Variants in TLN2 observed in about 807,000 individuals in gnomAD.
The protein encoded by TLN2 is talin-2.
Under a neutral mutation model 294.7 loss-of-function variants are expected in TLN2, and 118 were observed. That is an observed-to-expected ratio of 0.40 (90% CI 0.34 to 0.47). The LOEUF (loss-of-function observed/expected upper bound fraction) is 0.47, where lower values mean the gene tolerates loss of function less well. Among genes scored for constraint, TLN2 ranks in the 20% least tolerant of loss-of-function variants. TLN2 has a pLI of 0.84. For missense variants in TLN2, 3,083 were observed against 3,282.2 expected (o/e 0.94, Z 1.48); for synonymous variants, 1,431 against 1,304.5 (o/e 1.10, Z -2.09).
chr15:62,711,634 C>T (rs1393711988), intron 21 of TLN2, among the ~76,000 whole-genome samples: 1 of 152,216 alleles, frequency 6.6e-6, no homozygotes, highest in Non-Finnish European at 1.5e-5. Flanking sequence ...CCTGCCCTCT[C>T]TTTATAGTGT....
rs545744066 is a variant in TLN2 at position 62,776,354 on chromosome 15, G to A, written c.5368-410G>A. 2.6e-5 allele frequency among the ~76,000 whole-genome samples: 4 copies of A among 152,156 alleles called. No homozygotes were observed. The East Asian group carries it at 5.8e-4, about 22-fold the overall frequency. On this transcript the variant is annotated intron_variant, in intron 42 of 58. Coordinates refer to ENST00000636159, the MANE Select transcript of TLN2 (RefSeq NM_015059.3). ...CTGTAATCCAGTCTTATCTTTAGAC[G>A]GGGAACTATAGTGTGTTGGGCAACT...
intron 1 of TLN2, among the ~76,000 whole-genome samples, chr15:62,418,371 T>C (rs2034200809): frequency 6.6e-6 from 1 of 152,232 alleles, no homozygotes; most frequent in Non-Finnish European, 1.5e-5. Flanking sequence ...CTCTTATAGC[T>C]TCTGATAATT....
chr15:62,731,400 C>T (rs926598963), intron 28 of TLN2, among the ~76,000 whole-genome samples: 1 of 28,450 alleles, frequency 3.5e-5, no homozygotes, highest in African/African-American at 1.1e-4. Context: ...GTTTGAGGCC[C>T]TGAATTATGT....
At chr15:62,696,673 A>T (rs528199957) in intron 14 of TLN2, among the ~76,000 whole-genome samples, 1 of 152,362 alleles carries the variant, frequency 6.6e-6, no homozygotes, top group East Asian at 1.9e-4. Context: ...ACGCCACTGC[A>T]CTCCAGTCTG....
intron 9 of TLN2, among the ~76,000 whole-genome samples, chr15:62,672,175 C>A (rs2055513976): frequency 6.6e-6 from 1 of 152,038 alleles, no homozygotes; most frequent in Admixed American, 6.6e-5. Context: ...TGATTTTGGA[C>A]TTCTTTTATT....
intron 52 of TLN2, among the ~76,000 whole-genome samples, chr15:62,811,141 T>C (rs1453452383): frequency 6.6e-6 from 1 of 152,260 alleles, no homozygotes; most frequent in Non-Finnish European, 1.5e-5. Context: ...TAAATTATCT[T>C]CTGATGCTAA....
intron 1 of TLN2, among the ~76,000 whole-genome samples, chr15:62,446,746 G>T (rs1472539423): frequency 6.6e-6 from 1 of 152,122 alleles, no homozygotes; most frequent in Non-Finnish European, 1.5e-5. Flanking sequence ...AATGTATTCA[G>T]TATCTCTACA....
At chr15:62,467,797 T>TTGCTG (rs2037227991) in intron 1 of TLN2, among the ~76,000 whole-genome samples, 1 of 152,222 alleles carries the variant, frequency 6.6e-6, no homozygotes, top group Non-Finnish European at 1.5e-5. Context: ...AACCTCAGAC[T>TTGCTG]TGCTGTGAAT....
At chr15:62,615,094 C>T (rs780929415) in intron 2 of TLN2, among the ~76,000 whole-genome samples, 3 of 152,128 alleles carry the variant, frequency 2.0e-5, no homozygotes, top group Non-Finnish European at 4.4e-5. Flanking sequence ...GTGTGAGCCA[C>T]CACGCCTGGC....
intron 1 of TLN2, among the ~76,000 whole-genome samples, chr15:62,393,979 T>A (rs2032318452): frequency 6.6e-6 from 1 of 152,096 alleles, no homozygotes. Context: ...TTTCACCATG[T>A]TGGCCAGGCT....
chr15:62,798,247 GAGA>G (rs1311182047), intron 48 of TLN2, among the ~76,000 whole-genome samples: 2 of 152,270 alleles, frequency 1.3e-5, no homozygotes, highest in East Asian at 3.9e-4. Flanking sequence ...AAGGAAGAGA[GAGA>G]AGAACTGGAA....
chr15:62,634,443 T>TA (rs1294922840), intron 3 of TLN2, among the ~76,000 whole-genome samples: 1 of 152,240 alleles, frequency 6.6e-6, no homozygotes, highest in Non-Finnish European at 1.5e-5. Context: ...GTTGTGGAGA[T>TA]ACAACAAACG....
intron 1 of TLN2, among the ~76,000 whole-genome samples, chr15:62,558,516 G>A (rs899242674): frequency 6.6e-6 from 1 of 151,848 alleles, no homozygotes; most frequent in African/African-American, 2.4e-5. Flanking sequence ...AACAGACCCC[G>A]TTCTTAGTTG....
At position 62,819,596 on chromosome 15, in the gene TLN2, C is replaced by T. The variant is rs1431088251; in HGVS notation, c.6852C>T (p.Leu2284=). The T allele has an allele frequency of 5.0e-6, 8 of 1,612,298 alleles. No homozygotes were observed. Among genetic ancestry groups the T allele is most frequent in the African/African-American group, 1.3e-5 (1 of 75,056 alleles). The stretch of plus-strand genomic sequence containing the variant: ...GAGTCGCCGGCGCTGTGACAGAGCT[C>T]ATCCAGGCGGCGGAAGCCATGAAAG... The part of the protein sequence containing the change: ...SKRVAGAVTE[L]IQAAEAMKGT... The change falls in exon 53 of 59, where the codon CTC becomes CTT. Residue 2284 remains leucine (L), a synonymous_variant. Transcript: ENST00000636159.
Position 62,489,391 on chromosome 15 carries a change from A to G in TLN2, c.-238+98706A>G, listed in dbSNP as rs986115198. Among the ~76,000 whole-genome samples the G allele has an allele frequency of 2.6e-5, 4 of 152,346 alleles. No individual in the cohort carries two copies. In the East Asian group the frequency reaches 5.8e-4, roughly 22 times the overall value. ...CCCAAATAATTAAACAATTTATCTCAGAGGCACTTTTAAAAATAACGCTGT... is the reference window on the plus strand; with the variant it reads ...CCCAAATAATTAAACAATTTATCTCGGAGGCACTTTTAAAAATAACGCTGT... On this transcript the variant is annotated intron_variant, in intron 1 of 58. Coordinates refer to ENST00000636159, the MANE Select transcript of TLN2 (RefSeq NM_015059.3).
At chr15:62,579,453 A>G (rs372507487) in intron 1 of TLN2, among the ~76,000 whole-genome samples, 1 of 152,180 alleles carries the variant, frequency 6.6e-6, no homozygotes, top group African/African-American at 2.4e-5. Flanking sequence ...GGTCTTGATT[A>G]GCAGAATCCT....
At chr15:62,440,812 G>A (rs1324078634) in intron 1 of TLN2, among the ~76,000 whole-genome samples, 1 of 152,168 alleles carries the variant, frequency 6.6e-6, no homozygotes, top group Admixed American at 6.5e-5. Flanking sequence ...CCTTGAGGCA[G>A]TTTCAACCAT....
At chr15:62,696,034 C>T (rs2058306201) in intron 14 of TLN2, among the ~76,000 whole-genome samples, 1 of 152,356 alleles carries the variant, frequency 6.6e-6, no homozygotes, top group South Asian at 2.1e-4. Flanking sequence ...CCTTCCACTT[C>T]TTCCTCCATT....
chr15:62,663,676 G>A (rs964774326), intron 9 of TLN2, among the ~76,000 whole-genome samples: 17 of 152,050 alleles, frequency 1.1e-4, no homozygotes, highest in African/African-American at 4.1e-4. Flanking sequence ...ACCTTTTATA[G>A]TAGTTACAAA....
Sources: gnomAD v4.1 joint callset for allele counts (sites outside exome capture counted in the v4.1 genomes callset) on GRCh38, gnomAD v4.1.1 for gene constraint, MANE v1.5 for transcripts, NCBI Gene and HGNC (gene_info 2026-07-23, HGNC 2026-07-21) for gene names.